Variants in EN1 observed in about 807,000 individuals in gnomAD.
EN1 encodes homeobox protein engrailed-1.
A neutral mutation model predicts 22.9 loss-of-function variants in EN1; 8 were observed. The observed-to-expected ratio is 0.35, with a 90% CI of 0.20 to 0.63. EN1 has a LOEUF of 0.63. EN1 is among the 20% of genes least tolerant of loss of function. The probability of loss-of-function intolerance (pLI) is 0.73; values close to 1 mark genes in which losing one functional copy is unlikely to be tolerated. For missense variants in EN1, 521 were observed against 572.1 expected (o/e 0.91, Z 0.91); for synonymous variants, 287 against 262.5 (o/e 1.09, Z -0.90).
Position 118,846,937 on chromosome 2 carries a change from G to C in EN1, c.231C>G (p.His77Gln), listed in dbSNP as rs778201908. The C allele has an allele frequency of 1.1e-5, 17 of 1,488,874 alleles. No homozygotes were observed. The highest frequency in any genetic ancestry group is 1.4e-5 in the Non-Finnish European group (16 of 1,122,996). 92.2% of individuals were successfully genotyped at this position (1,488,874 alleles called of 1,614,324 possible). ...PLAHHPHLPP[H>Q]PPPPPPQHLA... ...GATGCTGAGGCGGCGGGGGCGGGGG[G>C]TGTGGGGGGAGGTGCGGGTGGTGGG... The change falls in exon 1 of 2, where the codon CAC becomes CAG. Residue 77 changes from histidine to glutamine, a missense_variant. By Grantham distance (24) the His-to-Gln change is conservative. Around this residue, in one of 3 missense-constraint regions of EN1, gnomAD observed 436 missense variants for 410.1 expected, o/e 1.06. Coordinates refer to ENST00000295206, the MANE Select transcript of EN1 (RefSeq NM_001426.4). The surrounding 1 kb of genome is among the most constrained non-coding windows in gnomAD (Gnocchi z 5.0).
intron 1 of EN1, among the ~76,000 whole-genome samples, chr2:118,845,859 A>C (rs907918963): frequency 2.0e-5 from 3 of 152,218 alleles, no homozygotes; most frequent in Non-Finnish European, 4.4e-5. Flanking sequence ...AAGGACACAC[A>C]GTGAATATAA....
Position 118,846,763 on chromosome 2 carries a change from G to T in EN1, c.405C>A (p.Gly135=), listed in dbSNP as rs145197387. 1.2e-4 allele frequency: 185 copies of T among 1,594,374 alleles called. No homozygotes were observed. The highest frequency in any genetic ancestry group is 1.4e-4 in the Non-Finnish European group (166 of 1,177,448). ...GCTCGACCCGGCCTCCTCCTCCTGC[G>T]CCTCCTCTGGCCGCCGCAGCCACCA... ...QLLVAAAARG[G]AGGGGRVERD... The change falls in exon 1 of 2, where the codon GGC becomes GGA. Residue 135 remains glycine, a synonymous_variant. Transcript: ENST00000295206. The surrounding 1 kb of genome is among the most constrained non-coding windows in gnomAD (Gnocchi z 5.0).
In EN1 at chr2:118,846,643, C is replaced by A; in HGVS notation, c.525G>T (p.Ala175=). 2 of 1,529,250 alleles carry A rather than the reference C, an allele frequency of 1.3e-6. No homozygotes were observed. The highest frequency in any genetic ancestry group is 1.7e-6 in the Non-Finnish European group (2 of 1,147,728). 94.7% of individuals were successfully genotyped at this position (1,529,250 alleles called of 1,614,324 possible). A position where few individuals can be genotyped will look rare whatever the true frequency, so the allele number is the denominator to read the frequency against. The change falls in exon 1 of 2, where the codon GCG becomes GCT. Residue 175 remains alanine (A), a synonymous_variant. Transcript: ENST00000295206. The surrounding 1 kb of genome is among the most constrained non-coding windows in gnomAD (Gnocchi z 5.0). ...GGGAGCCGTCGGGTGGGCCACAGTTCGCGTCCGGGGCGCACAGGAGCGAGG... is the reference window on the plus strand; with the variant it reads ...GGGAGCCGTCGGGTGGGCCACAGTTAGCGTCCGGGGCGCACAGGAGCGAGG... The part of the protein sequence containing the change: ...GAASLLCAPD[A]NCGPPDGSQP...
intron 1 of EN1, among the ~76,000 whole-genome samples, chr2:118,845,184 T>C (rs1415345066): frequency 6.6e-6 from 1 of 152,186 alleles, no homozygotes; most frequent in East Asian, 1.9e-4. Context: ...CGGGAGCTGA[T>C]AGTGCGCATC....
Position 118,847,480 on chromosome 2 carries a change from G to T in EN1, c.-313C>A, listed in dbSNP as rs1005015399. 7.6e-6 allele frequency: 2 copies of T among 264,700 alleles called. No individual in the cohort carries two copies. Among genetic ancestry groups the T allele is most frequent in the Non-Finnish European group, 1.4e-5 (2 of 142,436 alleles). The allele number at this position is 264,700 out of a possible 1,614,324, so 16.4% of individuals were successfully genotyped here. A position where few individuals can be genotyped will look rare whatever the true frequency, so the allele number is the denominator to read the frequency against. On this transcript the variant is annotated 5_prime_UTR_variant, in exon 1 of 2. Transcript: ENST00000295206. ...TTGATTTAAATGGGGAGTAAGCCAC[G>T]GCCAAAAAAATGAAGGAAAAAAAGA...
chr2:118,846,441 G>T lies in EN1; in HGVS notation c.727C>A (p.Pro243Thr). Residue 243 changes from proline (P) to threonine (T), a missense_variant, in exon 1 of 2, where the codon CCG becomes ACG. Coordinates refer to ENST00000295206, the MANE Select transcript of EN1 (RefSeq NM_001426.4). This position sits in a 1 kb window ranked among gnomAD's most constrained non-coding sequence, Gnocchi z 5.0. ...GSPGAQGTKY[P>T]EHGNPAILLM... ...AGGATAGCCGGGTTGCCGTGCTCCG[G>T]GTATTTGGTGCCCTGCGCTCCGGGG... 2.5e-6 allele frequency: 4 copies of T among 1,612,498 alleles called. No individual in the cohort carries two copies. Among genetic ancestry groups the T allele is most frequent in the Non-Finnish European group, 3.4e-6 (4 of 1,179,640 alleles).
Position 118,846,276 on chromosome 2 carries a change from G to T in EN1, c.862+30C>A, listed in dbSNP as rs773901760. The stretch of plus-strand genomic sequence containing the variant: ...CTGGGGCGGTCCGCGGGGCCAGAAG[G>T]CATGGCGCAGCCCGGAGTTGGGTAC... On this transcript the variant is annotated intron_variant, in intron 1 of 1. Transcript: ENST00000295206. This position sits in a 1 kb window ranked among gnomAD's most constrained non-coding sequence, Gnocchi z 5.0. 1.0e-5 allele frequency: 16 copies of T among 1,598,806 alleles called. No individual in the cohort carries two copies. Among genetic ancestry groups the T allele is most frequent in the South Asian group, 1.1e-5 (1 of 88,728 alleles).
In EN1 at chr2:118,843,115, C is replaced by T. The variant is rs1289446538; in HGVS notation, c.1002G>A (p.Gln334=). The T allele has an allele frequency of 2.5e-6, 4 of 1,613,820 alleles. No homozygotes were observed. The highest frequency in any genetic ancestry group is 3.4e-6 in the Non-Finnish European group (4 of 1,179,958). The part of the protein sequence containing the change: ...ANRYITEQRR[Q]TLAQELSLNE... ...TGAGGCTGAGTTCCTGGGCCAGGGT[C>T]TGCCGCCGCTGCTCCGTGATGTAGC... The change falls in exon 2 of 2, where the codon CAG becomes CAA. Residue 334 remains glutamine, a synonymous_variant. Coordinates refer to ENST00000295206, the MANE Select transcript of EN1 (RefSeq NM_001426.4).
Position 118,847,224 on chromosome 2 carries a change from TC to T in EN1, c.-58del. On this transcript the variant is annotated 5_prime_UTR_variant, in exon 1 of 2. Coordinates refer to ENST00000295206, the MANE Select transcript of EN1 (RefSeq NM_001426.4). ...CCGGCCCCCGCCCCCACCGCCTCGC[TC>T]CCCACCCCACTTTGCCAGCGGCCCG... 1 of 515,990 alleles carries T rather than the reference TC, an allele frequency of 1.9e-6. No individual in the cohort carries two copies. The highest frequency in any genetic ancestry group is 3.1e-6 in the Non-Finnish European group (1 of 321,920). 32.0% of individuals were successfully genotyped at this position (515,990 alleles called of 1,614,324 possible).
intron 1 of EN1, chr2:118,844,154 C>G (rs577212921): frequency 6.6e-6 from 1 of 152,090 alleles, no homozygotes; most frequent in Admixed American, 6.5e-5. Context: ...TCCTTATCTC[C>G]CCTTTCAACT....
rs764811921 is a variant in EN1 at position 118,842,895 on chromosome 2, C to G, written c.*43G>C. ...GCGAGGGGCCGGGAGACGACGGCGG[C>G]GGTGCCGGGAGGGGGCGCGGGCGCG... On this transcript the variant is annotated 3_prime_UTR_variant, in exon 2 of 2. Transcript: ENST00000295206. 6.4e-7 allele frequency: 1 copy of G among 1,566,534 alleles called. No homozygotes were observed. Among genetic ancestry groups the G allele is most frequent in the Admixed American group, 1.8e-5 (1 of 54,594 alleles).
Position 118,843,032 on chromosome 2 carries a change from G to A in EN1, c.1085C>T (p.Thr362Ile), listed in dbSNP as rs1269029861. 12 of 1,614,078 alleles carry A rather than the reference G, an allele frequency of 7.4e-6. No individual in the cohort carries two copies. The African/African-American group carries it at 1.6e-4, about 22-fold the overall frequency. ...CAGCGCCAGGCCGTTCTTGATGCCTGTGGCTTTCTTGATCTTGGCGCGCTT... is the reference window on the plus strand; with the variant it reads ...CAGCGCCAGGCCGTTCTTGATGCCTATGGCTTTCTTGATCTTGGCGCGCTT... ...QNKRAKIKKA[T>I]GIKNGLALHL... The change falls in exon 2 of 2, where the codon ACA becomes ATA. Residue 362 changes from threonine to isoleucine, a missense_variant. This residue lies in a region of EN1 where 35 missense variants were observed against 40.2 expected (regional missense o/e 0.87). Transcript: ENST00000295206.
chr2:118,847,188 C>A lies in EN1; in HGVS notation c.-21G>T, dbSNP rs1202334837. The A allele has an allele frequency of 7.9e-6, 6 of 763,468 alleles. No homozygotes were observed. Among genetic ancestry groups the A allele is most frequent in the African/African-American group, 1.9e-5 (1 of 53,796 alleles). 47.3% of individuals were successfully genotyped at this position (763,468 alleles called of 1,614,324 possible). ...TCCATGCTCGGCCGCCCCGCCGCCC[C>A]GGCCGCCGCGCCGGCCCCCGCCCCC... On this transcript the variant is annotated 5_prime_UTR_variant, in exon 1 of 2. Transcript: ENST00000295206.
intron 1 of EN1, among the ~76,000 whole-genome samples, chr2:118,845,885 C>A (rs1170046966): frequency 6.6e-6 from 1 of 152,210 alleles, no homozygotes; most frequent in Non-Finnish European, 1.5e-5. Context: ...CTGAACAAGG[C>A]CTTCTCTGGT....
In EN1 at chr2:118,846,047, G is replaced by T. The variant is rs1213644800; in HGVS notation, c.862+259C>A. On this transcript the variant is annotated intron_variant, in intron 1 of 1. Transcript: ENST00000295206. This position sits in a 1 kb window ranked among gnomAD's most constrained non-coding sequence, Gnocchi z 5.0. ...AAGATAAGAGACAAAGAAGGCCCCA[G>T]GGATTCAGAGTTCAAAATCAAAGAA... Among the ~76,000 whole-genome samples the T allele has an allele frequency of 1.3e-5, 2 of 152,054 alleles. No homozygotes were observed. Among genetic ancestry groups the T allele is most frequent in the East Asian group, 1.9e-4 (1 of 5,164 alleles).
At position 118,846,279 on chromosome 2, in the gene EN1, T is replaced by C; in HGVS notation, c.862+27A>G. 6.2e-7 allele frequency: 1 copy of C among 1,600,424 alleles called. No homozygotes were observed. The highest frequency in any genetic ancestry group is 8.5e-7 in the Non-Finnish European group (1 of 1,174,086). ...GGGCGGTCCGCGGGGCCAGAAGGCA[T>C]GGCGCAGCCCGGAGTTGGGTACTCA... On this transcript the variant is annotated intron_variant, in intron 1 of 1. Coordinates refer to ENST00000295206, the MANE Select transcript of EN1 (RefSeq NM_001426.4). The surrounding 1 kb of genome is among the most constrained non-coding windows in gnomAD (Gnocchi z 5.0).
Position 118,843,094 on chromosome 2 carries a change from G to A in EN1, c.1023C>T (p.Ser341=), listed in dbSNP as rs1678216911. Residue 341 remains serine (S), a synonymous_variant, in exon 2 of 2, where the codon AGC becomes AGT. Coordinates refer to ENST00000295206, the MANE Select transcript of EN1 (RefSeq NM_001426.4). ...QRRQTLAQEL[S]LNESQIKIWF... is the part of the protein sequence containing the mutation. ...AGATCTTGATCTGGGACTCGTTGAG[G>A]CTGAGTTCCTGGGCCAGGGTCTGCC... 6.2e-7 allele frequency: 1 copy of A among 1,614,172 alleles called. No homozygotes were observed. Among genetic ancestry groups the A allele is most frequent in the East Asian group, 2.2e-5 (1 of 44,874 alleles).
At chr2:118,843,320 A>C in intron 1 of EN1, 66 bp from the exon 2 acceptor site, 3 of 1,177,582 alleles carry the variant, frequency 2.5e-6, no homozygotes, top group Non-Finnish European at 3.5e-6. Flanking sequence ...GAGGGGGGAG[A>C]GGGCAAAGGA....
chr2:118,846,811 CT>C lies in EN1; in HGVS notation c.356del (p.Lys119ArgfsTer176). On this transcript the variant is annotated frameshift_variant, in exon 1 of 2. Transcript: ENST00000295206. LOFTEE classifies it high-confidence loss of function. This position sits in a 1 kb window ranked among gnomAD's most constrained non-coding sequence, Gnocchi z 5.0. The stretch of plus-strand genomic sequence containing the variant: ...CCAGAAGCTGCGGTGGCGGCTGCTC[CT>C]TTTTGCAGCCGAAGTCCGGCCTCAG... ...NILRPDFGCK[K>X]EQPPPQLLVA... 1.3e-6 allele frequency: 2 copies of C among 1,594,982 alleles called. No individual in the cohort carries two copies. Among genetic ancestry groups the C allele is most frequent in the East Asian group, 2.3e-5 (1 of 44,360 alleles).
Sources: gnomAD v4.1 joint callset for allele counts (sites outside exome capture counted in the v4.1 genomes callset) on GRCh38, gnomAD v4.1.1 for gene constraint, gnomAD v4.1.1 regional missense constraint, Gnocchi (gnomAD v3.1) non-coding constraint, MANE v1.5 for transcripts, NCBI Gene and HGNC (gene_info 2026-07-23, HGNC 2026-07-21) for gene names.